The following PHLPP1 variants were observed in gnomAD, a reference collection of about 807,000 sequenced individuals.
The protein encoded by PHLPP1 is PH domain leucine-rich repeat-containing protein phosphatase 1.
PHLPP1 carries 42 observed loss-of-function variants against 117.2 expected under a neutral mutation model. The ratio of observed to expected loss-of-function variants is 0.36; its 90% confidence interval spans 0.28 to 0.46. The LOEUF is 0.46. Among genes scored for constraint, PHLPP1 ranks in the 20% least tolerant of loss-of-function variants. PHLPP1 has a pLI of 1.00. For missense variants in PHLPP1, 2,084 were observed against 2,241.9 expected (o/e 0.93, Z 1.42); for synonymous variants, 1,042 against 970.7 (o/e 1.07, Z -1.37).
chr18:62,756,250 T>C (rs1912013637), intron 1 of PHLPP1, among the ~76,000 whole-genome samples: 1 of 152,202 alleles, frequency 6.6e-6, no homozygotes, highest in South Asian at 2.1e-4. Flanking sequence ...TCCGGAATGC[T>C]GCTGGCTACC....
chr18:62,945,025 T>C, intron 11 of PHLPP1, 84 bp from the exon 12 acceptor site: 5 of 1,062,674 alleles, frequency 4.7e-6, no homozygotes, highest in Non-Finnish European at 6.5e-6. Context: ...AAATGAATCC[T>C]TAAAGTCATA....
chr18:62,842,862 A>C (rs866240160), intron 3 of PHLPP1: 21 of 152,264 alleles, frequency 1.4e-4, no homozygotes, highest in African/African-American at 4.8e-4. Flanking sequence ...TATGTAAAAC[A>C]TGGCCACACC....
At chr18:62,864,697 G>C (rs78568438) in intron 4 of PHLPP1, among the ~76,000 whole-genome samples, 1 of 152,218 alleles carries the variant, frequency 6.6e-6, no homozygotes, top group Non-Finnish European at 1.5e-5. Flanking sequence ...GGCAGTTGTT[G>C]TGGAACCAAG....
intron 9 of PHLPP1, among the ~76,000 whole-genome samples, chr18:62,917,231 TAAAC>T (rs907848530): frequency 5.5e-5 from 8 of 146,660 alleles, no homozygotes; most frequent in African/African-American, 7.5e-5. Context: ...TTTATATATA[TAAAC>T]AAACAAATTC....
intron 12 of PHLPP1, among the ~76,000 whole-genome samples, chr18:62,957,215 A>G (rs931471778): frequency 1.2e-4 from 19 of 152,176 alleles, no homozygotes; most frequent in Non-Finnish European, 2.8e-4. Flanking sequence ...AGCCTTCTCC[A>G]CCTAGGTTCC....
intron 1 of PHLPP1, among the ~76,000 whole-genome samples, chr18:62,781,415 G>A (rs922907691): frequency 2.0e-5 from 3 of 152,188 alleles, no homozygotes; most frequent in Non-Finnish European, 4.4e-5. Flanking sequence ...CATCTTACGT[G>A]TTTGGAAATG....
intron 14 of PHLPP1, among the ~76,000 whole-genome samples, chr18:62,965,902 C>T (rs1204576790): frequency 2.7e-5 from 4 of 150,760 alleles, no homozygotes; most frequent in Non-Finnish European, 5.9e-5. Context: ...TTCATACTAC[C>T]TCATTCCAAT....
At chr18:62,774,304 A>G (rs1203275559) in intron 1 of PHLPP1, among the ~76,000 whole-genome samples, 2 of 152,156 alleles carry the variant, frequency 1.3e-5, no homozygotes, top group Non-Finnish European at 2.9e-5. Context: ...AGATTGTTAG[A>G]CACGTAGCAT....
chr18:62,978,788 G>C lies in PHLPP1; in HGVS notation c.4511G>C (p.Ser1504Thr). The change falls in exon 17 of 17, where the codon AGC (serine) becomes ACC (threonine). Residue 1504 changes from serine to threonine, a missense_variant. Coordinates refer to ENST00000262719, the MANE Select transcript of PHLPP1 (RefSeq NM_194449.4). The surrounding 1 kb of genome is among the most constrained non-coding windows in gnomAD (Gnocchi z 7.0). ...ASDEPPPGALSENSPAYPSEQ... is the reference protein window; with the variant it reads ...ASDEPPPGALTENSPAYPSEQ... ...GATGAGCCCCCGCCCGGAGCCCTAA[G>C]CGAGAACAGCCCTGCCTACCCCAGT... 1 of 1,612,546 alleles carries C rather than the reference G, an allele frequency of 6.2e-7. No individual in the cohort carries two copies. Among genetic ancestry groups the C allele is most frequent in the Non-Finnish European group, 8.5e-7 (1 of 1,179,482 alleles).
At chr18:62,820,450 A>G (rs1914417819) in intron 1 of PHLPP1, among the ~76,000 whole-genome samples, 1 of 152,204 alleles carries the variant, frequency 6.6e-6, no homozygotes, top group Non-Finnish European at 1.5e-5. Context: ...CCCAAATTTC[A>G]TCTTGAATTG....
intron 1 of PHLPP1, among the ~76,000 whole-genome samples, chr18:62,812,265 A>G (rs1190710975): frequency 1.3e-5 from 2 of 152,098 alleles, no homozygotes; most frequent in Non-Finnish European, 2.9e-5. Context: ...TCGAATTTTT[A>G]TTTTATTATG....
chr18:62,724,220 T>G (rs1911003758), intron 1 of PHLPP1, among the ~76,000 whole-genome samples: 1 of 152,210 alleles, frequency 6.6e-6, no homozygotes, highest in Admixed American at 6.5e-5. Flanking sequence ...TAAGTTAAAG[T>G]GAAATTCTTA....
chr18:62,788,260 C>T (rs1363941903), intron 1 of PHLPP1, among the ~76,000 whole-genome samples: 2 of 152,036 alleles, frequency 1.3e-5, no homozygotes, highest in Admixed American at 1.3e-4. Context: ...GCCCAGGTGT[C>T]CTGGGCACAC....
At chr18:62,733,304 T>C (rs1395545056) in intron 1 of PHLPP1, among the ~76,000 whole-genome samples, 1 of 152,238 alleles carries the variant, frequency 6.6e-6, no homozygotes, top group African/African-American at 2.4e-5. Context: ...AGATTATGAC[T>C]TGCCAAAGGC....
At chr18:62,893,137 G>T (rs1470595955) in intron 4 of PHLPP1, among the ~76,000 whole-genome samples, 2 of 152,008 alleles carry the variant, frequency 1.3e-5, no homozygotes, top group African/African-American at 2.4e-5. Flanking sequence ...TGTCTCCCGG[G>T]TTCAAGCAAT....
chr18:62,957,247 A>G (rs1041411749), intron 12 of PHLPP1, among the ~76,000 whole-genome samples: 3 of 152,220 alleles, frequency 2.0e-5, no homozygotes, highest in African/African-American at 7.2e-5. Flanking sequence ...ACACAAGGGC[A>G]GCCCCTCTTT....
intron 1 of PHLPP1, among the ~76,000 whole-genome samples, chr18:62,775,510 A>C (rs1912924924): frequency 6.6e-6 from 1 of 152,178 alleles, no homozygotes; most frequent in African/African-American, 2.4e-5. Context: ...TTCAGCTCAC[A>C]TTTATCTTTT....
chr18:62,941,404 A>G (rs139925451), intron 10 of PHLPP1, among the ~76,000 whole-genome samples: 2 of 152,342 alleles, frequency 1.3e-5, no homozygotes, highest in African/African-American at 4.8e-5. Flanking sequence ...TTAAGTCAGA[A>G]TATTAACTTT....
intron 1 of PHLPP1, among the ~76,000 whole-genome samples, chr18:62,804,349 C>T (rs971095985): frequency 3.3e-5 from 5 of 151,664 alleles, no homozygotes; most frequent in Admixed American, 1.3e-4. Context: ...CAAACCATAT[C>T]GGGGGTGTAT....
Sources: gnomAD v4.1 joint callset for allele counts (sites outside exome capture counted in the v4.1 genomes callset) on GRCh38, gnomAD v4.1.1 for gene constraint, Gnocchi (gnomAD v3.1) non-coding constraint, MANE v1.5 for transcripts, NCBI Gene and HGNC (gene_info 2026-07-23, HGNC 2026-07-21) for gene names.